The following NRF1 variants were observed in gnomAD, a reference collection of about 807,000 sequenced individuals.
NRF1 encodes the protein alpha palindromic-binding protein.
A neutral mutation model predicts 58.5 loss-of-function variants in NRF1; 5 were observed. The ratio of observed to expected loss-of-function variants is 0.09; its 90% confidence interval spans 0.04 to 0.18. The LOEUF (loss-of-function observed/expected upper bound fraction) is 0.18, where lower values mean the gene tolerates loss of function less well. Among genes scored for constraint, NRF1 ranks in the 10% least tolerant of loss-of-function variants. The probability of loss-of-function intolerance (pLI) is 1.00; values close to 1 mark genes in which losing one functional copy is unlikely to be tolerated. For synonymous variants in NRF1, 224 were observed against 246.7 expected (o/e 0.91, Z 0.86); for missense variants, 288 against 657.7 (o/e 0.44, Z 6.15).
chr7:129,642,292 G>T (rs1801309102), intron 1 of NRF1, among the ~76,000 whole-genome samples: 3 of 152,142 alleles, frequency 2.0e-5, no homozygotes, highest in South Asian at 4.2e-4. Flanking sequence ...CCAAGACTCA[G>T]CTTATTAAAC....
intron 1 of NRF1, among the ~76,000 whole-genome samples, chr7:129,617,220 G>GT (rs993916165): frequency 7.0e-4 from 107 of 152,058 alleles, no homozygotes; most frequent in African/African-American, 1.2e-3. Flanking sequence ...TATTAAGACA[G>GT]TTTTTTTTAA....
intron 1 of NRF1, among the ~76,000 whole-genome samples, chr7:129,625,254 C>T (rs1292884578): frequency 6.6e-6 from 1 of 152,134 alleles, no homozygotes; most frequent in Non-Finnish European, 1.5e-5. Flanking sequence ...TAGAACCCAC[C>T]TAGATATTTC....
At chr7:129,710,617 C>T in intron 7 of NRF1, 46 bp downstream of exon 7, 1 of 943,736 alleles carries the variant, frequency 1.1e-6, no homozygotes, top group Non-Finnish European at 1.8e-6. Context: ...TGAGATGGAT[C>T]AGTGGGCACC....
intron 4 of NRF1, among the ~76,000 whole-genome samples, chr7:129,682,216 T>A (rs548152214): frequency 6.6e-6 from 1 of 152,080 alleles, no homozygotes; most frequent in Non-Finnish European, 1.5e-5. Flanking sequence ...TCCCAGCACT[T>A]TGGGAGCTGA....
intron 1 of NRF1, among the ~76,000 whole-genome samples, chr7:129,622,620 A>C (rs1800826093): frequency 7.0e-6 from 1 of 142,398 alleles, no homozygotes; most frequent in Non-Finnish European, 1.5e-5. Context: ...CCCAGACTGG[A>C]GTGCAGTGGC....
intron 5 of NRF1, among the ~76,000 whole-genome samples, chr7:129,693,209 G>A (rs1161129196): frequency 6.6e-6 from 1 of 152,222 alleles, no homozygotes; most frequent in Non-Finnish European, 1.5e-5. Flanking sequence ...AGGATCGCAA[G>A]TCCCCTGGGC....
At chr7:129,688,174 C>T (rs1802483623) in intron 4 of NRF1, among the ~76,000 whole-genome samples, 1 of 152,180 alleles carries the variant, frequency 6.6e-6, no homozygotes, top group South Asian at 2.1e-4. Context: ...CTCTGTCACC[C>T]TGGCTGGAGT....
At chr7:129,638,476 C>A (rs1339123897) in intron 1 of NRF1, among the ~76,000 whole-genome samples, 1 of 152,138 alleles carries the variant, frequency 6.6e-6, no homozygotes, top group African/African-American at 2.4e-5. Context: ...TCCATTGTGG[C>A]CAGGACCGAG....
intron 5 of NRF1, among the ~76,000 whole-genome samples, chr7:129,698,744 G>A (rs544142947): frequency 6.6e-6 from 1 of 152,330 alleles, no homozygotes; most frequent in East Asian, 1.9e-4. Context: ...CTGAGGTTCT[G>A]CCTTGCTGGT....
intron 5 of NRF1, among the ~76,000 whole-genome samples, chr7:129,697,547 C>CA (rs201302958): frequency 2.4e-3 from 235 of 96,486 alleles, no homozygotes; most frequent in East Asian, 0.012. Context: ...GACGCAGTCT[C>CA]AAAAAAAAAA....
intron 4 of NRF1, among the ~76,000 whole-genome samples, chr7:129,678,693 C>T: frequency 6.6e-6 from 1 of 152,114 alleles, no homozygotes; most frequent in South Asian, 2.1e-4. Flanking sequence ...CCTTTACTGT[C>T]ACACTGTTGA....
intron 9 of NRF1, among the ~76,000 whole-genome samples, chr7:129,723,671 TTTCCCTA>T (rs375764128): frequency 1.0e-3 from 155 of 152,356 alleles, no homozygotes; most frequent in African/African-American, 3.6e-3. Flanking sequence ...AAGACAGTCC[TTTCCCTA>T]TTGAATGGTG....
chr7:129,739,283 T>C lies in NRF1; in HGVS notation c.1348+11918T>C, dbSNP rs1008047026. 3.9e-5 allele frequency among the ~76,000 whole-genome samples: 6 copies of C among 152,340 alleles called. No homozygotes were observed. The South Asian group carries it at 1.2e-3, about 32-fold the overall frequency. ...ACGCCCTGAGATACTGAATTTTTAA[T>C]TTAATTATAATTTATTCACATTTAA... On this transcript the variant is annotated intron_variant, in intron 10 of 10. Transcript: ENST00000393232.
intron 5 of NRF1, among the ~76,000 whole-genome samples, chr7:129,700,571 A>T (rs1169444576): frequency 6.6e-5 from 10 of 152,206 alleles, no homozygotes; most frequent in Non-Finnish European, 2.9e-5. Flanking sequence ...ATTATCAAAA[A>T]ATGTTTACAT....
chr7:129,699,385 A>C (rs1802766625), intron 5 of NRF1, among the ~76,000 whole-genome samples: 2 of 152,294 alleles, frequency 1.3e-5, no homozygotes, highest in South Asian at 4.1e-4. Context: ...GAAGGAAAAT[A>C]TTGGGTTTCT....
At chr7:129,659,623 T>C (rs968196503) in intron 2 of NRF1, among the ~76,000 whole-genome samples, 2 of 152,244 alleles carry the variant, frequency 1.3e-5, no homozygotes, top group African/African-American at 4.8e-5. Context: ...TTGAAGGTAC[T>C]GTTCCACTGT....
At chr7:129,710,829 A>G (rs1042601938) in intron 7 of NRF1, among the ~76,000 whole-genome samples, 17 of 151,372 alleles carry the variant, frequency 1.1e-4, no homozygotes, top group African/African-American at 3.4e-4. Context: ...TTGAGACAAG[A>G]TCTCTCTCTG....
At chr7:129,748,353 C>CTTGGGAACAGG (rs1804032191) in intron 10 of NRF1, among the ~76,000 whole-genome samples, 1 of 151,684 alleles carries the variant, frequency 6.6e-6, no homozygotes, top group South Asian at 2.1e-4. Flanking sequence ...GCAGCAACTC[C>CTTGGGAACAGG]TTGGGAACAG....
chr7:129,673,716 C>CAA (rs542854064), intron 3 of NRF1, among the ~76,000 whole-genome samples: 5,269 of 98,400 alleles, frequency 0.054, 485 homozygotes, highest in African/African-American at 0.13. Context: ...GACTCCGTCT[C>CAA]AAAAAAAAAA....
Sources: allele counts gnomAD v4.1 joint callset (sites outside exome capture counted in the v4.1 genomes callset), GRCh38; gene constraint gnomAD v4.1.1; transcripts MANE v1.5; gene names NCBI Gene and HGNC (gene_info 2026-07-23, HGNC 2026-07-21).